Variants in EPHA5 observed in about 807,000 individuals in gnomAD.
EPHA5 encodes the protein EPH receptor A5.
A neutral mutation model predicts 105.0 loss-of-function variants in EPHA5; 60 were observed. That is an observed-to-expected ratio of 0.57 (90% confidence interval 0.46 to 0.71). The LOEUF is 0.71. EPHA5 is among the 30% of genes least tolerant of loss of function. The pLI is 0.00. For missense variants in EPHA5, 1,218 were observed against 1,274.7 expected (o/e 0.96, Z 0.68); for synonymous variants, 513 against 449.1 (o/e 1.14, Z -1.80).
In EPHA5 at chr4:65,610,145, GT is replaced by G. The variant is rs556375049; in HGVS notation, c.247-7842del. ...TGTGGTAAATATAGACTATGGAATA[GT>G]CTATATTGGAATAGTCTAATAGTCT... is the stretch of plus-strand genomic sequence containing the variant. On this transcript the variant is annotated intron_variant, in intron 2 of 16. Transcript: ENST00000613740. Among the ~76,000 whole-genome samples the G allele has an allele frequency of 2.6e-5, 4 of 152,156 alleles. No homozygotes were observed. The East Asian group carries it at 7.7e-4, about 29-fold the overall frequency.
At chr4:65,593,596 T>A (rs1260498645) in intron 3 of EPHA5, among the ~76,000 whole-genome samples, 1 of 152,056 alleles carries the variant, frequency 6.6e-6, no homozygotes, top group Non-Finnish European at 1.5e-5. Context: ...ATGCTGCCGG[T>A]CCATGTATCA....
intron 5 of EPHA5, among the ~76,000 whole-genome samples, chr4:65,455,695 G>A (rs1407671997): frequency 6.6e-6 from 1 of 152,078 alleles, no homozygotes; most frequent in Admixed American, 6.5e-5. Flanking sequence ...AATGACAAAT[G>A]TGACACACAT....
At chr4:65,353,822 C>T (rs1422654006) in intron 11 of EPHA5, among the ~76,000 whole-genome samples, 1 of 151,746 alleles carries the variant, frequency 6.6e-6, no homozygotes, top group Non-Finnish European at 1.5e-5. Flanking sequence ...CCTCTCTCTG[C>T]TACACACTTA....
intron 3 of EPHA5, among the ~76,000 whole-genome samples, chr4:65,563,740 A>G (rs2149361304): frequency 6.6e-6 from 1 of 152,134 alleles, no homozygotes; most frequent in South Asian, 2.1e-4. Flanking sequence ...ACATGAAAAC[A>G]TTGTTAATTT....
chr4:65,380,915 T>C (rs1305225913), intron 8 of EPHA5, among the ~76,000 whole-genome samples: 1 of 151,726 alleles, frequency 6.6e-6, no homozygotes, highest in East Asian at 1.9e-4. Flanking sequence ...ATCATGGGGT[T>C]TGTAGTCAAA....
At chr4:65,517,498 G>T (rs1037728434) in intron 3 of EPHA5, among the ~76,000 whole-genome samples, 13 of 151,672 alleles carry the variant, frequency 8.6e-5, no homozygotes, top group Non-Finnish European at 1.8e-4. Flanking sequence ...TTTAATTGTA[G>T]AATTAAGCCA....
chr4:65,558,051 ATT>A (rs1482949648), intron 3 of EPHA5, among the ~76,000 whole-genome samples: 1 of 151,842 alleles, frequency 6.6e-6, no homozygotes, highest in African/African-American at 2.4e-5. Flanking sequence ...TAACTTTTGT[ATT>A]TTTAGTAGAG....
intron 3 of EPHA5, among the ~76,000 whole-genome samples, chr4:65,506,980 T>C (rs1182745069): frequency 6.6e-6 from 1 of 152,172 alleles, no homozygotes; most frequent in Non-Finnish European, 1.5e-5. Context: ...GGTTTTCTTC[T>C]AGGGTTTCTA....
intron 3 of EPHA5, among the ~76,000 whole-genome samples, chr4:65,516,540 C>CTGTGTG (rs145854803): frequency 6.6e-6 from 1 of 150,516 alleles, no homozygotes; most frequent in African/African-American, 2.4e-5. Flanking sequence ...AGGGTCAACT[C>CTGTGTG]TGTGTGTGTG....
At chr4:65,562,439 G>T (rs997128696) in intron 3 of EPHA5, among the ~76,000 whole-genome samples, 26 of 151,724 alleles carry the variant, frequency 1.7e-4, no homozygotes, top group African/African-American at 5.6e-4. Context: ...TCATGTTTTA[G>T]GGGAAAAAAG....
At position 65,633,442 on chromosome 4, in the gene EPHA5, T is replaced by A. The variant is rs148163328; in HGVS notation, c.246+9921A>T. Among the ~76,000 whole-genome samples the A allele has an allele frequency of 1.8e-3, 270 of 152,034 alleles. 1 individual carries two copies. Among genetic ancestry groups the A allele is most frequent in the African/African-American group, 3.8e-3 (159 of 41,478 alleles). On this transcript the variant is annotated intron_variant, in intron 2 of 16. Coordinates refer to ENST00000613740, the MANE Select transcript of EPHA5 (RefSeq NM_001281766.3). The stretch of plus-strand genomic sequence containing the variant: ...CTGGTGATTTGTCCCCAGGGAACTC[T>A]GCAAGGCCTAGTTTTATTTAACATT...
At chr4:65,524,108 A>G (rs1382097937) in intron 3 of EPHA5, among the ~76,000 whole-genome samples, 1 of 151,834 alleles carries the variant, frequency 6.6e-6, no homozygotes, top group Non-Finnish European at 1.5e-5. Flanking sequence ...TTCTTTTACT[A>G]TATTCCTGAT....
chr4:65,332,202 C>T (rs1332167770), intron 15 of EPHA5, 74 bp from the exon 16 acceptor site: 2 of 1,238,634 alleles, frequency 1.6e-6, no homozygotes, highest in Non-Finnish European at 2.2e-6. Context: ...ATAATGTTAA[C>T]TCATATTCAA....
chr4:65,552,205 C>T (rs1737986907), intron 3 of EPHA5, among the ~76,000 whole-genome samples: 1 of 152,206 alleles, frequency 6.6e-6, no homozygotes, highest in Non-Finnish European at 1.5e-5. Flanking sequence ...GAGAATGTTT[C>T]CTACTTCAGC....
chr4:65,499,346 T>C (rs2149236990), intron 3 of EPHA5, among the ~76,000 whole-genome samples: 1 of 151,770 alleles, frequency 6.6e-6, no homozygotes, highest in African/African-American at 2.4e-5. Flanking sequence ...GCTACAATTC[T>C]TTTAAGATGC....
At chr4:65,540,212 C>T (rs946379095) in intron 3 of EPHA5, among the ~76,000 whole-genome samples, 7 of 151,496 alleles carry the variant, frequency 4.6e-5, no homozygotes, top group Non-Finnish European at 1.0e-4. Context: ...GGAAATATTC[C>T]TAAAGCCTGA....
intron 15 of EPHA5, among the ~76,000 whole-genome samples, chr4:65,334,725 TAAG>T (rs945008177): frequency 9.2e-5 from 14 of 151,902 alleles, no homozygotes; most frequent in African/African-American, 3.4e-4. Flanking sequence ...TACAATGAAA[TAAG>T]AAAATTATTT....
At position 65,495,721 on chromosome 4, in the gene EPHA5, A is replaced by T. The variant is rs371925108; in HGVS notation, c.911-178T>A. Reference sequence around the variant, plus strand: ...AAATACCAGGCTATTCATTCAAATAATCAAATATTTATTTAAAGTACTTAA... The same window carrying T: ...AAATACCAGGCTATTCATTCAAATATTCAAATATTTATTTAAAGTACTTAA... On this transcript the variant is annotated intron_variant, in intron 3 of 16. Transcript: ENST00000613740. 3.5e-4 allele frequency among the ~76,000 whole-genome samples: 53 copies of T among 152,328 alleles called. 1 individual carries two copies. In the South Asian group the frequency reaches 0.011, roughly 32 times the overall value.
chr4:65,504,361 G>GAA (rs201086800), intron 3 of EPHA5, among the ~76,000 whole-genome samples: 71 of 116,218 alleles, frequency 6.1e-4, no homozygotes, highest in East Asian at 3.1e-3. Flanking sequence ...AAAATATATT[G>GAA]AAAAATATAT....
Sources: allele counts gnomAD v4.1 joint callset (sites outside exome capture counted in the v4.1 genomes callset), GRCh38; gene constraint gnomAD v4.1.1; transcripts MANE v1.5; gene names NCBI Gene and HGNC (gene_info 2026-07-23, HGNC 2026-07-21).